MYO16: variants seen among roughly 807,000 people sequenced by gnomAD.
MYO16 encodes myosin XVI.
Under a neutral mutation model 205.3 loss-of-function variants are expected in MYO16, and 94 were observed. The observed-to-expected ratio is 0.46, with a 90% CI of 0.39 to 0.54. The LOEUF is 0.54. Among genes scored for constraint, MYO16 ranks in the 20% least tolerant of loss-of-function variants. The probability of loss-of-function intolerance (pLI) is 0.00; values close to 1 mark genes in which losing one functional copy is unlikely to be tolerated. For synonymous variants in MYO16, 988 were observed against 954.0 expected, an observed-to-expected ratio of 1.04 and a Z score of -0.66; for missense variants, 2,315 against 2,387.5, an observed-to-expected ratio of 0.97 and a Z score of 0.63.
At chr13:108,990,661 A>G (rs1032371747) in intron 20 of MYO16, among the ~76,000 whole-genome samples, 2 of 152,188 alleles carry the variant, frequency 1.3e-5, no homozygotes, top group African/African-American at 2.4e-5. Flanking sequence ...AGGAAAATAT[A>G]TTGAATGATT....
chr13:108,941,859 A>G (rs945537948), intron 16 of MYO16, among the ~76,000 whole-genome samples: 5 of 152,170 alleles, frequency 3.3e-5, no homozygotes, highest in Non-Finnish European at 7.3e-5. Flanking sequence ...TGCAGCAATG[A>G]AAGTTCAAAT....
intron 1 of MYO16, among the ~76,000 whole-genome samples, chr13:108,636,509 A>G (rs545086216): frequency 6.6e-6 from 1 of 151,558 alleles, no homozygotes; most frequent in South Asian, 2.1e-4. Flanking sequence ...CCTCCCAAGT[A>G]GCTGGGACTA....
At chr13:109,150,475 T>G (rs573440075) in intron 32 of MYO16, among the ~76,000 whole-genome samples, 1 of 152,292 alleles carries the variant, frequency 6.6e-6, no homozygotes, top group South Asian at 2.1e-4. Flanking sequence ...TAGATCAATC[T>G]GATCAAAAAG....
chr13:108,913,959 C>CT (rs1427010530), intron 16 of MYO16, among the ~76,000 whole-genome samples: 1 of 152,042 alleles, frequency 6.6e-6, no homozygotes, highest in Non-Finnish European at 1.5e-5. Context: ...TGGCACTTCC[C>CT]TTTTTTTGTC....
At chr13:108,948,493 C>A (rs1038185846) in intron 16 of MYO16, among the ~76,000 whole-genome samples, 1 of 152,198 alleles carries the variant, frequency 6.6e-6, no homozygotes, top group Non-Finnish European at 1.5e-5. Flanking sequence ...TTGTTTCATG[C>A]GCGCTGATCT....
chr13:108,915,577 G>T (rs1165646628), intron 16 of MYO16, among the ~76,000 whole-genome samples: 1 of 152,054 alleles, frequency 6.6e-6, no homozygotes, highest in African/African-American at 2.4e-5. Flanking sequence ...TTTGGGGAAC[G>T]AATGTAATTT....
chr13:108,803,490 C>G (rs1422886276), intron 6 of MYO16, among the ~76,000 whole-genome samples: 1 of 152,112 alleles, frequency 6.6e-6, no homozygotes, highest in Non-Finnish European at 1.5e-5. Flanking sequence ...ATGAAATGGG[C>G]ACAGTGTTGG....
intron 20 of MYO16, among the ~76,000 whole-genome samples, chr13:108,974,121 A>T (rs1594439095): frequency 6.6e-6 from 1 of 152,188 alleles, no homozygotes; most frequent in African/African-American, 2.4e-5. Context: ...CTGCACTTTG[A>T]TTTTGTTCTA....
intron 33 of MYO16, among the ~76,000 whole-genome samples, chr13:109,168,859 T>G (rs143988406): frequency 6.6e-6 from 1 of 151,286 alleles, no homozygotes; most frequent in Non-Finnish European, 1.5e-5. Flanking sequence ...ATGTCTAATG[T>G]CTTTTGTGTA....
intron 27 of MYO16, among the ~76,000 whole-genome samples, chr13:109,070,754 T>C (rs926463926): frequency 6.6e-6 from 1 of 152,224 alleles, no homozygotes; most frequent in African/African-American, 2.4e-5. Flanking sequence ...TGTTCTTTCT[T>C]AGGTCTTTGA....
chr13:108,688,527 T>C (rs1454576443), intron 2 of MYO16, among the ~76,000 whole-genome samples: 1 of 152,204 alleles, frequency 6.6e-6, no homozygotes, highest in Non-Finnish European at 1.5e-5. Flanking sequence ...AATGATTACA[T>C]GCTTGCACTG....
At chr13:108,837,043 C>G (rs1461342225) in intron 9 of MYO16, among the ~76,000 whole-genome samples, 1 of 152,114 alleles carries the variant, frequency 6.6e-6, no homozygotes, top group African/African-American at 2.4e-5. Flanking sequence ...ATATGGTTTA[C>G]CTGTGTCACC....
intron 4 of MYO16, among the ~76,000 whole-genome samples, chr13:108,778,957 C>A (rs916325188): frequency 6.6e-6 from 1 of 152,182 alleles, no homozygotes; most frequent in East Asian, 1.9e-4. Context: ...CCACTGCACT[C>A]GTGGGGGGAT....
At chr13:108,703,132 T>G (rs1332634344) in intron 2 of MYO16, among the ~76,000 whole-genome samples, 1 of 59,738 alleles carries the variant, frequency 1.7e-5, no homozygotes, top group East Asian at 4.7e-3. Flanking sequence ...AGGCAGAGAT[T>G]AGCAGAATGA....
intron 16 of MYO16, among the ~76,000 whole-genome samples, chr13:108,935,556 G>A (rs1456134279): frequency 6.6e-6 from 1 of 152,086 alleles, no homozygotes; most frequent in African/African-American, 2.4e-5. Context: ...GAATCAAATT[G>A]TCAATAAAGA....
At chr13:108,884,108 T>C (rs1041679036) in intron 13 of MYO16, among the ~76,000 whole-genome samples, 2 of 152,218 alleles carry the variant, frequency 1.3e-5, no homozygotes, top group African/African-American at 4.8e-5. Context: ...TTGTTGTCAG[T>C]AGTGCTGGTT....
chr13:109,001,536 A>G (rs1885212133), intron 21 of MYO16, among the ~76,000 whole-genome samples: 1 of 152,186 alleles, frequency 6.6e-6, no homozygotes, highest in Non-Finnish European at 1.5e-5. Context: ...AGGCCTCTAC[A>G]ATTATAGATT....
chr13:109,004,308 C>A (rs997204220), intron 21 of MYO16, among the ~76,000 whole-genome samples: 2 of 151,990 alleles, frequency 1.3e-5, no homozygotes, highest in African/African-American at 4.8e-5. Flanking sequence ...GGTTTCATTC[C>A]ATAAGAGAAG....
chr13:108,498,406 G>C, the MYO16 span, among the ~76,000 whole-genome samples: 1 of 152,108 alleles, frequency 6.6e-6, no homozygotes, highest in African/African-American at 2.4e-5. Flanking sequence ...GATGTGGAGG[G>C]AGAGAGAGTG....
Sources: gnomAD v4.1 joint callset for allele counts (sites outside exome capture counted in the v4.1 genomes callset) on GRCh38, gnomAD v4.1.1 for gene constraint, MANE v1.5 for transcripts, NCBI Gene and HGNC (gene_info 2026-07-23, HGNC 2026-07-21) for gene names.